The following LHFPL3 variants were observed in gnomAD, a reference collection of about 807,000 sequenced individuals.
LHFPL3 encodes the protein LHFPL tetraspan subfamily member 3 protein.
Under a neutral mutation model 19.3 loss-of-function variants are expected in LHFPL3, and 5 were observed. That is an observed-to-expected ratio of 0.26 (90% CI 0.14 to 0.54). The LOEUF is 0.54. LHFPL3 is among the 20% of genes least tolerant of loss of function. LHFPL3 has a pLI of 0.94. For missense variants in LHFPL3, 249 were observed against 307.4 expected, an observed-to-expected ratio of 0.81 and a Z score of 1.42; for synonymous variants, 133 against 126.2, an observed-to-expected ratio of 1.05 and a Z score of -0.36.
intron 2 of LHFPL3, among the ~76,000 whole-genome samples, chr7:104,848,050 T>G (rs1274549589): frequency 2.0e-5 from 3 of 152,172 alleles, no homozygotes; most frequent in Non-Finnish European, 4.4e-5. Context: ...CTTCTTATGT[T>G]CTAATGCGCT....
chr7:104,524,950 G>A (rs1174731140), intron 1 of LHFPL3, among the ~76,000 whole-genome samples: 4 of 152,120 alleles, frequency 2.6e-5, no homozygotes, highest in Non-Finnish European at 5.9e-5. Context: ...TATACACCTA[G>A]TATTTCTGTT....
At chr7:104,753,894 A>C in intron 2 of LHFPL3, among the ~76,000 whole-genome samples, 1 of 152,244 alleles carries the variant, frequency 6.6e-6, no homozygotes, top group Non-Finnish European at 1.5e-5. Context: ...TCATAGGCAT[A>C]GATTTGCCTT....
At chr7:104,433,665 GGCCTAGAAT>G (rs1792041781) in intron 1 of LHFPL3, among the ~76,000 whole-genome samples, 1 of 152,082 alleles carries the variant, frequency 6.6e-6, no homozygotes, top group Non-Finnish European at 1.5e-5. Flanking sequence ...CTTTTCTCTT[GGCCTAGAAT>G]GCCTTTTGCC....
chr7:104,795,053 G>C (rs536907838), intron 2 of LHFPL3, among the ~76,000 whole-genome samples: 1 of 152,094 alleles, frequency 6.6e-6, no homozygotes, highest in South Asian at 2.1e-4. Flanking sequence ...CTTCTAAAGC[G>C]TCTAAAGTCC....
chr7:104,848,115 T>A (rs1477518562), intron 2 of LHFPL3, among the ~76,000 whole-genome samples: 1 of 152,170 alleles, frequency 6.6e-6, no homozygotes. Context: ...CAGGATAGAA[T>A]TTCAGCTCCA....
intron 1 of LHFPL3, among the ~76,000 whole-genome samples, chr7:104,699,993 C>T (rs1247537158): frequency 2.0e-5 from 3 of 152,198 alleles, no homozygotes; most frequent in African/African-American, 7.2e-5. Flanking sequence ...TCAGCTGCAA[C>T]CTCTATTCAT....
At chr7:104,800,696 C>T (rs774523198) in intron 2 of LHFPL3, among the ~76,000 whole-genome samples, 18 of 152,206 alleles carry the variant, frequency 1.2e-4, no homozygotes, top group Non-Finnish European at 2.2e-4. Context: ...ACCCAACCAC[C>T]TCTTTGAGTA....
At chr7:104,853,140 G>A (rs1408541061) in intron 2 of LHFPL3, among the ~76,000 whole-genome samples, 1 of 152,200 alleles carries the variant, frequency 6.6e-6, no homozygotes, top group East Asian at 1.9e-4. Flanking sequence ...GCTCAACGAG[G>A]AGCAAGCCTA....
intron 1 of LHFPL3, among the ~76,000 whole-genome samples, chr7:104,458,469 A>T (rs1451474993): frequency 2.0e-5 from 3 of 152,092 alleles, no homozygotes; most frequent in African/African-American, 7.2e-5. Flanking sequence ...TGTTCCATTG[A>T]TCTATACCTC....
intron 2 of LHFPL3, among the ~76,000 whole-genome samples, chr7:104,745,042 T>C (rs559090526): frequency 1.1e-4 from 16 of 152,354 alleles, no homozygotes; most frequent in African/African-American, 3.1e-4. Flanking sequence ...CGATACCCTT[T>C]TTTGAATATC....
At chr7:104,848,677 G>A (rs1791359230) in intron 2 of LHFPL3, among the ~76,000 whole-genome samples, 1 of 152,162 alleles carries the variant, frequency 6.6e-6, no homozygotes, top group African/African-American at 2.4e-5. Context: ...GAGGAAAGGA[G>A]TCCTATGGGC....
intron 1 of LHFPL3, among the ~76,000 whole-genome samples, chr7:104,701,603 G>T (rs1376386436): frequency 6.6e-6 from 1 of 152,154 alleles, no homozygotes; most frequent in Non-Finnish European, 1.5e-5. Flanking sequence ...AAAAGGAGGG[G>T]TTGGTCTTGC....
chr7:104,749,474 G>A (rs1014011038), intron 2 of LHFPL3, among the ~76,000 whole-genome samples: 1 of 152,332 alleles, frequency 6.6e-6, no homozygotes, highest in South Asian at 2.1e-4. Flanking sequence ...ATTATTTATG[G>A]CTGGTATAGT....
chr7:104,530,342 A>G (rs763189710), intron 1 of LHFPL3, among the ~76,000 whole-genome samples: 50 of 152,182 alleles, frequency 3.3e-4, no homozygotes, highest in Non-Finnish European at 6.3e-4. Flanking sequence ...GTGGCTCTTT[A>G]TGGCCACAAA....
chr7:104,508,670 A>G (rs1166000163), intron 1 of LHFPL3, among the ~76,000 whole-genome samples: 1 of 151,634 alleles, frequency 6.6e-6, no homozygotes. Context: ...AAAAAAGGAG[A>G]CATCTCAAAT....
intron 2 of LHFPL3, 77 bp downstream of exon 2, chr7:104,736,988 A>G: frequency 8.8e-7 from 1 of 1,136,278 alleles, no homozygotes; most frequent in Non-Finnish European, 1.3e-6. Flanking sequence ...TTCCCCTCAA[A>G]TACTAGTGCT....
At chr7:104,867,628 C>G (rs958166875) in intron 2 of LHFPL3, among the ~76,000 whole-genome samples, 35 of 152,300 alleles carry the variant, frequency 2.3e-4, no homozygotes, top group Non-Finnish European at 4.7e-4. Context: ...GATGGAGTCA[C>G]AGCTGAATTC....
At chr7:104,352,859 G>A (rs1790205384) in intron 1 of LHFPL3, among the ~76,000 whole-genome samples, 1 of 152,178 alleles carries the variant, frequency 6.6e-6, no homozygotes, top group African/African-American at 2.4e-5. Flanking sequence ...ATGAGTTCCT[G>A]GCTACTCTTT....
At chr7:104,389,941 C>A (rs1317126335) in intron 1 of LHFPL3, among the ~76,000 whole-genome samples, 2 of 152,008 alleles carry the variant, frequency 1.3e-5, no homozygotes, top group Non-Finnish European at 2.9e-5. Flanking sequence ...GTAAATCTTC[C>A]TGATCTTGGG....
Sources: allele counts gnomAD v4.1 joint callset (sites outside exome capture counted in the v4.1 genomes callset), GRCh38; gene constraint gnomAD v4.1.1; transcripts MANE v1.5; gene names NCBI Gene and HGNC (gene_info 2026-07-23, HGNC 2026-07-21).